KCNAB1: variants seen among roughly 807,000 people sequenced by gnomAD.
KCNAB1 encodes the protein voltage-gated potassium channel subunit beta-1.
Under a neutral mutation model 64.6 loss-of-function variants are expected in KCNAB1, and 35 were observed. The observed-to-expected ratio is 0.54, with a 90% CI of 0.41 to 0.72. KCNAB1 has a LOEUF of 0.72. KCNAB1 is among the 30% of genes least tolerant of loss of function. KCNAB1 has a pLI of 0.00. For synonymous variants in KCNAB1, 177 were observed against 183.8 expected (o/e 0.96, Z 0.30); for missense variants, 401 against 512.9 (o/e 0.78, Z 2.11).
intron 1 of KCNAB1, among the ~76,000 whole-genome samples, chr3:156,221,375 A>T (rs371928819): frequency 8.5e-5 from 13 of 152,228 alleles, no homozygotes; most frequent in African/African-American, 3.1e-4. Flanking sequence ...CAAAAGCATC[A>T]GGTAACCTAT....
At chr3:156,316,803 C>CT (rs1722306939) in intron 1 of KCNAB1, among the ~76,000 whole-genome samples, 1 of 152,204 alleles carries the variant, frequency 6.6e-6, no homozygotes, top group Non-Finnish European at 1.5e-5. Context: ...TCTCATCTTA[C>CT]TCTGGGAACC....
chr3:156,408,368 C>T (rs1448942359), intron 1 of KCNAB1, among the ~76,000 whole-genome samples: 2 of 152,184 alleles, frequency 1.3e-5, no homozygotes, highest in Admixed American at 6.5e-5. Flanking sequence ...GCTGGATGTG[C>T]GGGACCCTGG....
chr3:156,254,851 T>G (rs1333771652), intron 1 of KCNAB1, among the ~76,000 whole-genome samples: 1 of 152,240 alleles, frequency 6.6e-6, no homozygotes, highest in African/African-American at 2.4e-5. Flanking sequence ...TCAAAGCATT[T>G]CCTGATTTGG....
chr3:156,270,397 G>A (rs1028276435), intron 1 of KCNAB1, among the ~76,000 whole-genome samples: 3 of 151,698 alleles, frequency 2.0e-5, no homozygotes, highest in Non-Finnish European at 4.4e-5. Context: ...TTTAGTGAAG[G>A]TGATTTTCTC....
rs1348441170 is a variant in KCNAB1, at chr3:156,333,334, A to C, written c.276-88282A>C. Among the ~76,000 whole-genome samples the C allele has an allele frequency of 2.1e-5, 3 of 140,844 alleles. No homozygotes were observed. The East Asian group carries it at 6.0e-4, about 28-fold the overall frequency. The allele number at this position is 140,844 out of a possible 152,430, so 92.4% of individuals were successfully genotyped here. The stretch of plus-strand genomic sequence containing the variant: ...CGCACATAGAAACACACACACACAC[A>C]CACACACATACACACACACACACAC... On this transcript the variant is annotated intron_variant, in intron 1 of 13. Coordinates refer to ENST00000490337, the MANE Select transcript of KCNAB1 (RefSeq NM_172160.3).
intron 1 of KCNAB1, among the ~76,000 whole-genome samples, chr3:156,279,775 G>T (rs1445126193): frequency 6.6e-6 from 1 of 152,202 alleles, no homozygotes; most frequent in Non-Finnish European, 1.5e-5. Flanking sequence ...CTTTTGAGAA[G>T]TGTCTGTTCA....
chr3:156,255,946 A>G (rs1718076615), intron 1 of KCNAB1, among the ~76,000 whole-genome samples: 1 of 152,266 alleles, frequency 6.6e-6, no homozygotes, highest in Non-Finnish European at 1.5e-5. Flanking sequence ...TTATTTTGAA[A>G]TGTTTCTTCT....
chr3:156,247,508 C>T (rs1194363298), intron 1 of KCNAB1, among the ~76,000 whole-genome samples: 3 of 152,016 alleles, frequency 2.0e-5, no homozygotes, highest in East Asian at 3.9e-4. Context: ...GTTCATGCAC[C>T]GCCTCCTCTG....
At chr3:156,504,786 C>T (rs1321368032) in intron 8 of KCNAB1, among the ~76,000 whole-genome samples, 24 of 134,568 alleles carry the variant, frequency 1.8e-4, no homozygotes, top group African/African-American at 6.4e-4. Context: ...GTTTGAATTC[C>T]TTGTATATTC....
At chr3:156,222,708 A>G (rs1218324832) in intron 1 of KCNAB1, among the ~76,000 whole-genome samples, 4 of 152,264 alleles carry the variant, frequency 2.6e-5, no homozygotes, top group African/African-American at 9.6e-5. Context: ...AAATTTAAGA[A>G]AATCTAAATT....
intron 1 of KCNAB1, among the ~76,000 whole-genome samples, chr3:156,147,602 C>T (rs141830290): frequency 6.6e-6 from 1 of 152,026 alleles, no homozygotes; most frequent in East Asian, 1.9e-4. Flanking sequence ...GCAATTGTTT[C>T]TAGAAAAATA....
intron 1 of KCNAB1, among the ~76,000 whole-genome samples, chr3:156,131,476 T>A (rs1560100671): frequency 6.6e-6 from 1 of 152,232 alleles, no homozygotes; most frequent in Non-Finnish European, 1.5e-5. Flanking sequence ...TGGCTCTGGT[T>A]CCCAATCCAG....
At chr3:156,419,782 T>C (rs1715346184) in intron 1 of KCNAB1, among the ~76,000 whole-genome samples, 1 of 152,324 alleles carries the variant, frequency 6.6e-6, no homozygotes, top group South Asian at 2.1e-4. Context: ...TGTCCCTCAG[T>C]GGACTCTAAG....
intron 6 of KCNAB1, 79 bp from the exon 7 acceptor site, chr3:156,465,564 T>G: frequency 7.5e-7 from 1 of 1,324,930 alleles, no homozygotes; most frequent in Non-Finnish European, 1.1e-6. Flanking sequence ...GGTGCAAAAT[T>G]AGCAATTCAG....
intron 1 of KCNAB1, among the ~76,000 whole-genome samples, chr3:156,216,486 T>C (rs1715329030): frequency 2.6e-5 from 4 of 152,226 alleles, no homozygotes; most frequent in African/African-American, 2.4e-5. Flanking sequence ...TTCTAGGCAC[T>C]GAAGAGATGG....
intron 1 of KCNAB1, among the ~76,000 whole-genome samples, chr3:156,259,777 G>A (rs768742288): frequency 5.1e-4 from 78 of 152,140 alleles, no homozygotes; most frequent in Non-Finnish European, 9.6e-4. Context: ...CTCAGTATCA[G>A]CTCTCGCTCT....
chr3:156,530,696 A>G (rs1236482250), intron 12 of KCNAB1, among the ~76,000 whole-genome samples: 2 of 152,178 alleles, frequency 1.3e-5, no homozygotes, highest in African/African-American at 4.8e-5. Context: ...TTCATAAGAG[A>G]GTAATTTAGA....
Position 156,193,202 on chromosome 3 carries a change from T to G in KCNAB1, c.275+72316T>G, listed in dbSNP as rs547166695. On this transcript the variant is annotated intron_variant, in intron 1 of 13. Coordinates refer to ENST00000490337, the MANE Select transcript of KCNAB1 (RefSeq NM_172160.3). ...AGTCATTGCTTTAGGGTGTTTAATATATAGATGGTTCTTAACTTATGAAGA... is the reference window on the plus strand; with the variant it reads ...AGTCATTGCTTTAGGGTGTTTAATAGATAGATGGTTCTTAACTTATGAAGA... Among the ~76,000 whole-genome samples the G allele has an allele frequency of 6.5e-4, 99 of 152,270 alleles. 1 individual carries two copies. Among genetic ancestry groups the G allele is most frequent in the Admixed American group, 1.4e-3 (21 of 15,282 alleles).
At chr3:156,270,853 A>G (rs1036666924) in intron 1 of KCNAB1, among the ~76,000 whole-genome samples, 2 of 152,064 alleles carry the variant, frequency 1.3e-5, no homozygotes, top group African/African-American at 2.4e-5. Flanking sequence ...TCCTTTTAGC[A>G]TTTCTCGTGG....
Sources: allele counts gnomAD v4.1 joint callset (sites outside exome capture counted in the v4.1 genomes callset), GRCh38; gene constraint gnomAD v4.1.1; transcripts MANE v1.5; gene names NCBI Gene and HGNC (gene_info 2026-07-23, HGNC 2026-07-21).